Variants in NFIB observed in about 807,000 individuals in gnomAD.
NFIB encodes the protein nuclear factor I B.
A neutral mutation model predicts 61.5 loss-of-function variants in NFIB; 11 were observed. That is an observed-to-expected ratio of 0.18 (90% CI 0.11 to 0.30). The LOEUF is 0.30. Ranked by LOEUF, NFIB falls within the 10% of genes least tolerant of loss-of-function variation. The probability of loss-of-function intolerance (pLI) is 1.00; values close to 1 mark genes in which losing one functional copy is unlikely to be tolerated. For missense variants in NFIB, 471 were observed against 608.9 expected, an observed-to-expected ratio of 0.77 and a Z score of 2.38; for synonymous variants, 260 against 216.5, an observed-to-expected ratio of 1.20 and a Z score of -1.76.
the NFIB span, among the ~76,000 whole-genome samples, chr9:14,438,242 G>A: frequency 6.6e-6 from 1 of 152,174 alleles, no homozygotes; most frequent in Non-Finnish European, 1.5e-5. Flanking sequence ...TAAGATAGCT[G>A]AAAGCAGAGG....
the NFIB span, among the ~76,000 whole-genome samples, chr9:14,435,318 T>C: frequency 6.6e-6 from 1 of 152,232 alleles, no homozygotes; most frequent in Non-Finnish European, 1.5e-5. Context: ...ATTTTTGCTG[T>C]GGCCATGTAC....
chr9:14,182,321 A>T lies in NFIB; in HGVS notation c.563-2541T>A, dbSNP rs567383180. ...AATGACAGACTCCTTCATATGCCAA[A>T]GCCCATACCTTCTCATGAAATAAAG... On this transcript the variant is annotated intron_variant, in intron 2 of 10. Coordinates refer to ENST00000380953, the MANE Select transcript of NFIB (RefSeq NM_001190737.2). 6.6e-5 allele frequency among the ~76,000 whole-genome samples: 10 copies of T among 152,316 alleles called. No homozygotes were observed. The South Asian group carries it at 2.1e-3, about 32-fold the overall frequency.
At chr9:14,433,836 C>G in the NFIB span, among the ~76,000 whole-genome samples, 1 of 152,184 alleles carries the variant, frequency 6.6e-6, no homozygotes, top group Non-Finnish European at 1.5e-5. Context: ...ATAATGCTTT[C>G]TGTTTTATTG....
chr9:14,370,599 T>C (rs145370430), intron 1 of NFIB, among the ~76,000 whole-genome samples: 2 of 152,316 alleles, frequency 1.3e-5, no homozygotes, highest in African/African-American at 4.8e-5. Flanking sequence ...CCTGGTTCCA[T>C]AACAAAGGTA....
rs532041222 is a variant in NFIB at position 14,375,627 on chromosome 9, T to C, written c.108+22897A>G. 1.4e-4 allele frequency among the ~76,000 whole-genome samples: 22 copies of C among 151,842 alleles called. No homozygotes were observed. The East Asian group carries it at 3.1e-3, about 21-fold the overall frequency. ...GAGCTGAGATTGCACCACTGCACTC[T>C]AGCCTGGGCAAAAAGAGCAAAAACT... On this transcript the variant is annotated intron_variant, in intron 1 of 8. Transcript: ENST00000380934.
At chr9:14,530,534 C>T in the NFIB span, among the ~76,000 whole-genome samples, 3 of 152,132 alleles carry the variant, frequency 2.0e-5, no homozygotes, top group Non-Finnish European at 4.4e-5. Context: ...TTACACATCT[C>T]ACATTAACGA....
chr9:14,471,747 G>C, the NFIB span, among the ~76,000 whole-genome samples: 258 of 152,260 alleles, frequency 1.7e-3, no homozygotes, highest in Non-Finnish European at 3.2e-3. Context: ...GGGAAGTTTA[G>C]TCCATCACTT....
Position 14,130,575 on chromosome 9 carries a change from C to T in NFIB, c.926-4809G>A, listed in dbSNP as rs572864272. ...TATTTACTTGTATCCACTGCGTATG[C>T]TTTTTTTAAAAAGGTGACTAATGGC... On this transcript the variant is annotated intron_variant, in intron 6 of 10. Coordinates refer to ENST00000380953, the MANE Select transcript of NFIB (RefSeq NM_001190737.2). Among the ~76,000 whole-genome samples, 3 of 151,796 alleles carry T rather than the reference C, an allele frequency of 2.0e-5. No individual in the cohort carries two copies. In the East Asian group the frequency reaches 5.8e-4, roughly 29 times the overall value.
intron 2 of NFIB, among the ~76,000 whole-genome samples, chr9:14,261,060 T>A (rs2056704336): frequency 6.6e-6 from 1 of 152,222 alleles, no homozygotes; most frequent in African/African-American, 2.4e-5. Context: ...CTCACGCCTA[T>A]AATCCCAGCT....
intron 2 of NFIB, among the ~76,000 whole-genome samples, chr9:14,244,829 T>G (rs1449864797): frequency 6.6e-6 from 1 of 152,180 alleles, no homozygotes; most frequent in Non-Finnish European, 1.5e-5. Flanking sequence ...GCTACTGTTA[T>G]TATTATTACA....
the NFIB span, among the ~76,000 whole-genome samples, chr9:14,408,504 AG>A: frequency 6.6e-6 from 1 of 152,224 alleles, no homozygotes; most frequent in Admixed American, 6.5e-5. Context: ...GCGGGAATAC[AG>A]AAAAAAAGGG....
At chr9:14,514,350 A>G in the NFIB span, among the ~76,000 whole-genome samples, 3 of 151,982 alleles carry the variant, frequency 2.0e-5, no homozygotes, top group Non-Finnish European at 4.4e-5. Context: ...ACACACACGC[A>G]TCCACCACCT....
intron 2 of NFIB, among the ~76,000 whole-genome samples, chr9:14,219,639 T>G (rs2051398883): frequency 1.3e-5 from 2 of 152,216 alleles, no homozygotes; most frequent in African/African-American, 4.8e-5. Flanking sequence ...GCATTTTGTT[T>G]TGTTTTGTTT....
chr9:14,347,995 G>A (rs1213515699), intron 1 of NFIB, among the ~76,000 whole-genome samples: 2 of 152,150 alleles, frequency 1.3e-5, no homozygotes, highest in African/African-American at 4.8e-5. Context: ...CGGGGACGTT[G>A]GTGCTAGCGA....
chr9:14,471,287 G>A, the NFIB span, among the ~76,000 whole-genome samples: 1 of 152,186 alleles, frequency 6.6e-6, no homozygotes, highest in Non-Finnish European at 1.5e-5. Context: ...GATGAAAGGT[G>A]AATGGCTTCT....
the NFIB span, among the ~76,000 whole-genome samples, chr9:14,482,586 T>C: frequency 0.029 from 4,405 of 152,344 alleles, 104 homozygotes; most frequent in Non-Finnish European, 0.047. Context: ...CTCAAGTATG[T>C]CTATCTGTGC....
chr9:14,286,933 C>T (rs2058742814), intron 2 of NFIB, among the ~76,000 whole-genome samples: 1 of 152,166 alleles, frequency 6.6e-6, no homozygotes, highest in Admixed American at 6.5e-5. Context: ...ACAAAACCCA[C>T]TGTATATCAC....
At chr9:14,383,359 G>A (rs963944256) in intron 1 of NFIB, among the ~76,000 whole-genome samples, 5 of 152,136 alleles carry the variant, frequency 3.3e-5, no homozygotes, top group East Asian at 1.9e-4. Context: ...AGAAAGGGTG[G>A]ATCTGTTTGC....
intron 1 of NFIB, among the ~76,000 whole-genome samples, chr9:14,328,593 G>A (rs1256983863): frequency 6.6e-6 from 1 of 151,770 alleles, no homozygotes; most frequent in South Asian, 2.1e-4. Flanking sequence ...TAAAAAATTT[G>A]TTTCATGTGC....
Sources: gnomAD v4.1 joint callset for allele counts (sites outside exome capture counted in the v4.1 genomes callset) on GRCh38, gnomAD v4.1.1 for gene constraint, MANE v1.5 for transcripts, NCBI Gene and HGNC (gene_info 2026-07-23, HGNC 2026-07-21) for gene names.